Variants in ANKRD28 observed in about 807,000 individuals in gnomAD.
The protein encoded by ANKRD28 is ankyrin repeat domain 28, also known as serine/threonine-protein phosphatase 6 regulatory ankyrin repeat subunit A.
Under a neutral mutation model 126.5 loss-of-function variants are expected in ANKRD28, and 44 were observed. That is an observed-to-expected ratio of 0.35 (90% CI 0.27 to 0.45). The LOEUF (loss-of-function observed/expected upper bound fraction) is 0.45. Among genes scored for constraint, ANKRD28 ranks in the 20% least tolerant of loss-of-function variants. The pLI is 1.00. For missense variants in ANKRD28, 1,110 were observed against 1,316.6 expected (o/e 0.84, Z 2.43); for synonymous variants, 442 against 468.5 (o/e 0.94, Z 0.73).
chr3:15,804,591 C>G (rs2060537835), intron 1 of ANKRD28, among the ~76,000 whole-genome samples: 1 of 145,042 alleles, frequency 6.9e-6, no homozygotes, highest in Non-Finnish European at 1.5e-5. Flanking sequence ...CAGTTAAAAG[C>G]AATGGCTCAC....
At chr3:15,835,832 T>A (rs548569204) in intron 1 of ANKRD28, among the ~76,000 whole-genome samples, 4 of 152,224 alleles carry the variant, frequency 2.6e-5, no homozygotes, top group African/African-American at 9.6e-5. Context: ...TAAAGGAAGT[T>A]CTCCAGGACC....
intron 27 of ANKRD28, among the ~76,000 whole-genome samples, chr3:15,673,072 C>T (rs898330371): frequency 2.2e-4 from 34 of 152,218 alleles, no homozygotes; most frequent in African/African-American, 8.2e-4. Flanking sequence ...CCACCATGCC[C>T]GGCCAGTTTT....
intron 2 of ANKRD28, among the ~76,000 whole-genome samples, chr3:15,794,282 C>CT (rs2060173531): frequency 6.6e-6 from 1 of 150,708 alleles, no homozygotes; most frequent in Non-Finnish European, 1.5e-5. Context: ...TAAGGTAAAA[C>CT]TTTTTTGTAT....
intron 3 of ANKRD28, among the ~76,000 whole-genome samples, chr3:15,754,909 G>C (rs2058073165): frequency 6.6e-6 from 1 of 152,122 alleles, no homozygotes; most frequent in Non-Finnish European, 1.5e-5. Context: ...CTGAGGTCAG[G>C]AGTTCAAGAC....
chr3:15,849,747 T>C (rs760175171), intron 1 of ANKRD28, among the ~76,000 whole-genome samples: 2 of 152,242 alleles, frequency 1.3e-5, no homozygotes, highest in Non-Finnish European at 2.9e-5. Flanking sequence ...CCAGATTTTC[T>C]TTGTTCTATC....
chr3:15,725,578 A>G (rs908502281), intron 6 of ANKRD28, among the ~76,000 whole-genome samples: 6 of 151,848 alleles, frequency 4.0e-5, no homozygotes, highest in Non-Finnish European at 7.4e-5. Context: ...TATTGGCATC[A>G]TTTTTTCCAT....
Position 15,853,501 on chromosome 3 carries a change from A to C in ANKRD28, c.27+5876T>G, listed in dbSNP as rs2126000855. On this transcript the variant is annotated intron_variant, in intron 1 of 27. Coordinates refer to the ANKRD28 transcript ENST00000399451. This position sits in a 1 kb window ranked among gnomAD's most constrained non-coding sequence, Gnocchi z 4.2. Reference sequence around the variant, plus strand: ...TTTTTTGTTTTTGAGATGGAGTCTCATTCTGTCGCCCAGGCTGGAGTGCAG... The same window carrying C: ...TTTTTTGTTTTTGAGATGGAGTCTCCTTCTGTCGCCCAGGCTGGAGTGCAG... Among the ~76,000 whole-genome samples, 1 of 152,128 alleles carries C rather than the reference A, an allele frequency of 6.6e-6. No individual in the cohort carries two copies. Among genetic ancestry groups the C allele is most frequent in the South Asian group, 2.1e-4 (1 of 4,818 alleles).
chr3:15,677,651 G>C, intron 24 of ANKRD28, 89 bp from the exon 25 acceptor site: 1 of 936,178 alleles, frequency 1.1e-6, no homozygotes, highest in Non-Finnish European at 1.6e-6. Flanking sequence ...AAGATACAAA[G>C]CAAAAAAGTC....
intron 1 of ANKRD28, among the ~76,000 whole-genome samples, chr3:15,835,710 A>G (rs1241661808): frequency 1.7e-4 from 26 of 152,214 alleles, no homozygotes; most frequent in Admixed American, 1.7e-3. Context: ...TCCTTAGTCA[A>G]CTAATACCAC....
chr3:15,721,173 T>A, intron 7 of ANKRD28, 46 bp from the exon 8 acceptor site: 3 of 1,539,462 alleles, frequency 1.9e-6, no homozygotes, highest in Non-Finnish European at 2.7e-6. Context: ...GTTTTGCTAA[T>A]TATCAATGTT....
Position 15,694,932 on chromosome 3 carries a change from A to C in ANKRD28, c.1687-119T>G, listed in dbSNP as rs1298083974. ...TTTGGCAACTCAGCAAACTTATAAA[A>C]CATGATTATTATGAAAGTATACTAA... On this transcript the variant is annotated intron_variant, in intron 16 of 27. Transcript: ENST00000683139. 4.2e-6 allele frequency: 4 copies of C among 944,646 alleles called. No individual in the cohort carries two copies. The African/African-American group carries it at 6.5e-5, about 15-fold the overall frequency. The allele number at this position is 944,646 out of a possible 1,614,324, so 58.5% of individuals were successfully genotyped here.
At chr3:15,802,388 G>A (rs1053808474), upstream of ANKRD28, among the ~76,000 whole-genome samples, 2 of 152,126 alleles carry the variant, frequency 1.3e-5, no homozygotes, top group African/African-American at 2.4e-5. Flanking sequence ...ATGTTAGAGA[G>A]AAATAAAAAG....
intron 1 of ANKRD28, among the ~76,000 whole-genome samples, chr3:15,796,067 AAAT>A (rs2060261008): frequency 6.6e-6 from 1 of 152,104 alleles, no homozygotes; most frequent in African/African-American, 2.4e-5. Context: ...ACCTTTCCTA[AAAT>A]ATGCAGAGTT....
chr3:15,814,390 AC>A lies in ANKRD28; in HGVS notation c.28-19085del. On this transcript the variant is annotated intron_variant, in intron 1 of 27. Transcript: ENST00000399451. The surrounding 1 kb of genome is among the most constrained non-coding windows in gnomAD (Gnocchi z 4.7). Reference sequence around the variant, plus strand: ...GCTATGTTATTTATAAATAACTAGTACCTTAACAAAACATTGAATTATTGGA... The same window carrying A: ...GCTATGTTATTTATAAATAACTAGTACTTAACAAAACATTGAATTATTGGA... 1.6e-6 allele frequency: 1 copy of A among 637,036 alleles called. No homozygotes were observed. Among genetic ancestry groups the A allele is most frequent in the Non-Finnish European group, 2.2e-6 (1 of 451,234 alleles). The allele number at this position is 637,036 out of a possible 1,614,324, so 39.5% of individuals were successfully genotyped here. A position where few individuals can be genotyped will look rare whatever the true frequency, so the allele number is the denominator to read the frequency against.
intron 3 of ANKRD28, among the ~76,000 whole-genome samples, chr3:15,764,722 T>G (rs911529436): frequency 6.6e-6 from 1 of 152,194 alleles, no homozygotes; most frequent in African/African-American, 2.4e-5. Context: ...CATTAATTTA[T>G]ATTATTAAAA....
chr3:15,697,600 C>A (rs1331832218), intron 14 of ANKRD28, among the ~76,000 whole-genome samples: 1 of 151,814 alleles, frequency 6.6e-6, no homozygotes, highest in Non-Finnish European at 1.5e-5. Context: ...AGGGATGAAG[C>A]CGAGTTGATT....
At chr3:15,683,568 C>T (rs1229902889) in intron 21 of ANKRD28, among the ~76,000 whole-genome samples, 3 of 152,124 alleles carry the variant, frequency 2.0e-5, no homozygotes, top group Non-Finnish European at 4.4e-5. Flanking sequence ...GTTCAATGAG[C>T]AACAGATTTA....
rs1332966114 is a variant in ANKRD28, at chr3:15,696,135, A to G, written c.1658T>C (p.Leu553Pro). 7 of 1,560,662 alleles carry G rather than the reference A, an allele frequency of 4.5e-6. No individual in the cohort carries two copies. The highest frequency in any genetic ancestry group is 1.3e-5 in the African/African-American group (1 of 74,246). The change falls in exon 15 of 28, where the codon CTG becomes CCG. Residue 553 changes from leucine (L) to proline (P), a missense_variant and splice_region_variant. By Grantham distance (98) the Leu-to-Pro change is moderately conservative. Coordinates refer to ENST00000683139, the MANE Select transcript of ANKRD28 (RefSeq NM_001349278.2). Reference sequence around the variant, plus strand: ...TTCACAAGAATTCAGGAATCTTACCAGCTGAAGACATAGACGGTGACCATA... The same window carrying G: ...TTCACAAGAATTCAGGAATCTTACCGGCTGAAGACATAGACGGTGACCATA... ...AAYGHRLCLQ[L>P]IASETPLDVL...
At chr3:15,690,585 G>C (rs2068657451) in intron 17 of ANKRD28, among the ~76,000 whole-genome samples, 1 of 152,108 alleles carries the variant, frequency 6.6e-6, no homozygotes, top group African/African-American at 2.4e-5. Flanking sequence ...TTTGTTTTGA[G>C]ACAGGGTCTT....
Sources: allele counts gnomAD v4.1 joint callset (sites outside exome capture counted in the v4.1 genomes callset), GRCh38; gene constraint gnomAD v4.1.1; non-coding constraint Gnocchi (gnomAD v3.1); transcripts MANE v1.5; gene names NCBI Gene and HGNC (gene_info 2026-07-23, HGNC 2026-07-21).